MAN1C1: variants seen among roughly 807,000 people sequenced by gnomAD.
MAN1C1 encodes the protein mannosyl-oligosaccharide 1,2-alpha-mannosidase IC.
MAN1C1 carries 49 observed loss-of-function variants against 71.5 expected under a neutral mutation model. The ratio of observed to expected loss-of-function variants is 0.69; its 90% CI spans 0.54 to 0.87. The LOEUF is 0.87. Ranked by LOEUF, MAN1C1 falls within the 40% of genes least tolerant of loss-of-function variation. The probability of loss-of-function intolerance (pLI) is 0.00; values close to 1 mark genes in which losing one functional copy is unlikely to be tolerated. For missense variants in MAN1C1, 743 were observed against 835.0 expected (o/e 0.89, Z 1.36); for synonymous variants, 352 against 343.7 (o/e 1.02, Z -0.27).
intron 2 of MAN1C1, among the ~76,000 whole-genome samples, chr1:25,694,944 TGGG>T (rs1399578578): frequency 6.6e-6 from 1 of 152,142 alleles, no homozygotes; most frequent in Non-Finnish European, 1.5e-5. Context: ...ACCTGTGAAA[TGGG>T]GGGTTAGCAC....
At chr1:25,661,245 T>C (rs978205854) in intron 1 of MAN1C1, among the ~76,000 whole-genome samples, 3 of 152,272 alleles carry the variant, frequency 2.0e-5, no homozygotes, top group Non-Finnish European at 2.9e-5. Flanking sequence ...CCTTTGCTCC[T>C]GGCTATTTCC....
At position 25,735,242 on chromosome 1, in the gene MAN1C1, TC is replaced by T. The variant is rs1557784867; in HGVS notation, c.638-11422del. 1.3e-5 allele frequency among the ~76,000 whole-genome samples: 2 copies of T among 152,000 alleles called. No homozygotes were observed. Among genetic ancestry groups the T allele is most frequent in the Non-Finnish European group, 2.9e-5 (2 of 67,978 alleles). On this transcript the variant is annotated intron_variant, in intron 2 of 11. Coordinates refer to ENST00000374332, the MANE Select transcript of MAN1C1 (RefSeq NM_020379.4). This position sits in a 1 kb window ranked among gnomAD's most constrained non-coding sequence, Gnocchi z 4.6. ...AGACAAGCCTGGCCAACATGGCGAA[TC>T]CCCACCTCTGCCAAAAACACAAAAA...
intron 1 of MAN1C1, among the ~76,000 whole-genome samples, chr1:25,679,950 A>AATAT (rs71576063): frequency 8.3e-4 from 97 of 117,202 alleles, no homozygotes; most frequent in African/African-American, 1.8e-3. Flanking sequence ...AAAAAAAAAA[A>AATAT]ATATATATAT....
chr1:25,687,124 A>C (rs1458089090), intron 2 of MAN1C1, among the ~76,000 whole-genome samples: 1 of 152,178 alleles, frequency 6.6e-6, no homozygotes, highest in Non-Finnish European at 1.5e-5. Context: ...CGACAACAGC[A>C]GCAAAAACAA....
chr1:25,689,866 G>A (rs2046283453), intron 2 of MAN1C1, among the ~76,000 whole-genome samples: 1 of 152,206 alleles, frequency 6.6e-6, no homozygotes, highest in African/African-American at 2.4e-5. Flanking sequence ...TGCTCGGCTT[G>A]GACACTGGCT....
intron 1 of MAN1C1, among the ~76,000 whole-genome samples, chr1:25,683,726 A>G: frequency 6.6e-6 from 1 of 152,264 alleles, no homozygotes; most frequent in African/African-American, 2.4e-5. Flanking sequence ...GATACCTGGT[A>G]GGGGCTTGCT....
At position 25,778,410 on chromosome 1, in the gene MAN1C1, G is replaced by T; in HGVS notation, c.1477+86G>T. 2 of 1,351,946 alleles carry T rather than the reference G, an allele frequency of 1.5e-6. No homozygotes were observed. Among genetic ancestry groups the T allele is most frequent in the Non-Finnish European group, 2.0e-6 (2 of 992,150 alleles). 83.7% of individuals were successfully genotyped at this position (1,351,946 alleles called of 1,614,324 possible). ...GAAAGACCGGCAGCAGTGAGCGAAG[G>T]GAGCACATGGCCTTAGGGAAGCCTC... On this transcript the variant is annotated intron_variant, in intron 9 of 11. Transcript: ENST00000374332. This position sits in a 1 kb window ranked among gnomAD's most constrained non-coding sequence, Gnocchi z 5.5.
intron 9 of MAN1C1, among the ~76,000 whole-genome samples, chr1:25,780,373 G>C (rs2047676464): frequency 6.6e-6 from 1 of 152,086 alleles, no homozygotes; most frequent in Non-Finnish European, 1.5e-5. Flanking sequence ...GTGCATTCCT[G>C]GGCAATCTTC....
At chr1:25,712,474 G>A (rs2046626768) in intron 2 of MAN1C1, among the ~76,000 whole-genome samples, 2 of 152,178 alleles carry the variant, frequency 1.3e-5, no homozygotes, top group Non-Finnish European at 2.9e-5. Context: ...TGGTAATCTG[G>A]GGCGGCTTCC....
At chr1:25,744,772 A>G (rs919915720) in intron 2 of MAN1C1, among the ~76,000 whole-genome samples, 10 of 152,194 alleles carry the variant, frequency 6.6e-5, no homozygotes, top group Non-Finnish European at 1.3e-4. Flanking sequence ...GGAAGCACTC[A>G]TTAAGGAGAT....
intron 1 of MAN1C1, among the ~76,000 whole-genome samples, chr1:25,648,743 A>G (rs1459758075): frequency 1.3e-5 from 2 of 152,244 alleles, no homozygotes; most frequent in Admixed American, 1.3e-4. Context: ...TTGAGGGCAT[A>G]ATTCAATTAT....
chr1:25,773,945 T>C (rs1280312257), intron 8 of MAN1C1, among the ~76,000 whole-genome samples: 5 of 152,182 alleles, frequency 3.3e-5, no homozygotes, highest in Non-Finnish European at 7.3e-5. Flanking sequence ...ATGTTCAGAC[T>C]GCACCCCTGA....
chr1:25,752,133 C>T (rs927659160), intron 4 of MAN1C1, among the ~76,000 whole-genome samples: 4 of 152,084 alleles, frequency 2.6e-5, no homozygotes, highest in Admixed American at 6.6e-5. Context: ...GGGAGTAACT[C>T]GTATAACCAC....
At chr1:25,749,411 A>G in intron 4 of MAN1C1, 76 bp downstream of exon 4, 3 of 1,261,268 alleles carry the variant, frequency 2.4e-6, no homozygotes, top group Non-Finnish European at 3.3e-6. Context: ...CTTCCCCCTC[A>G]TGCCATCCAT....
At chr1:25,717,369 A>T (rs773117125) in intron 2 of MAN1C1, among the ~76,000 whole-genome samples, 85 of 151,930 alleles carry the variant, frequency 5.6e-4, no homozygotes, top group Non-Finnish European at 1.1e-3. Context: ...AAAATTATAT[A>T]TATATAGCTG....
Position 25,769,032 on chromosome 1 carries a change from C to T in MAN1C1, c.1142-2625C>T, listed in dbSNP as rs2047506201. ...ACTCCCCTCAGGCACACACACTACACACCACCCACACTCCCACACACACTA... is the reference window on the plus strand; with the variant it reads ...ACTCCCCTCAGGCACACACACTACATACCACCCACACTCCCACACACACTA... On this transcript the variant is annotated intron_variant, in intron 7 of 11. Transcript: ENST00000374332. The surrounding 1 kb of genome is among the most constrained non-coding windows in gnomAD (Gnocchi z 4.8). 6.8e-6 allele frequency among the ~76,000 whole-genome samples: 1 copy of T among 147,566 alleles called. No homozygotes were observed. Among genetic ancestry groups the T allele is most frequent in the Non-Finnish European group, 1.5e-5 (1 of 66,564 alleles).
intron 1 of MAN1C1, among the ~76,000 whole-genome samples, chr1:25,618,561 G>T (rs1207822537): frequency 6.6e-6 from 1 of 151,696 alleles, no homozygotes; most frequent in Non-Finnish European, 1.5e-5. Flanking sequence ...CGTCCCCACC[G>T]TGACAGATGG....
intron 1 of MAN1C1, among the ~76,000 whole-genome samples, chr1:25,682,933 G>A (rs1304148107): frequency 6.6e-6 from 1 of 151,950 alleles, no homozygotes; most frequent in Non-Finnish European, 1.5e-5. Context: ...GGCTACTCGG[G>A]AGGCTGACGC....
intron 2 of MAN1C1, among the ~76,000 whole-genome samples, chr1:25,737,130 G>C (rs1369319772): frequency 1.3e-5 from 2 of 152,214 alleles, no homozygotes; most frequent in East Asian, 3.8e-4. Context: ...TTTAAACACA[G>C]GTTTCCAGAT....
Sources: allele counts gnomAD v4.1 joint callset (sites outside exome capture counted in the v4.1 genomes callset), GRCh38; gene constraint gnomAD v4.1.1; non-coding constraint Gnocchi (gnomAD v3.1); transcripts MANE v1.5; gene names NCBI Gene and HGNC (gene_info 2026-07-23, HGNC 2026-07-21).